DNMBP: variants seen among roughly 807,000 people sequenced by gnomAD.
DNMBP encodes dynamin-binding protein.
Under a neutral mutation model 150.0 loss-of-function variants are expected in DNMBP, and 87 were observed. That is an observed-to-expected ratio of 0.58 (90% CI 0.49 to 0.69). DNMBP has a LOEUF of 0.69. DNMBP is among the 30% of genes least tolerant of loss of function. The pLI, the probability that DNMBP is intolerant of heterozygous loss-of-function variation, is 0.00. For synonymous variants in DNMBP, 711 were observed against 750.4 expected, an observed-to-expected ratio of 0.95 and a Z score of 0.86; for missense variants, 1,774 against 1,949.0, an observed-to-expected ratio of 0.91 and a Z score of 1.69.
chr10:99,884,120 G>T lies in DNMBP; in HGVS notation c.3888C>A (p.Phe1296Leu). 2 of 1,614,150 alleles carry T rather than the reference G, an allele frequency of 1.2e-6. No homozygotes were observed. The highest frequency in any genetic ancestry group is 1.7e-6 in the Non-Finnish European group (2 of 1,180,026). ...AGACATCCAAGTCTTGAGCAGCATT[G>T]AAGTTCCGTTCTGCCTGGAAGAGTT... is the stretch of plus-strand genomic sequence containing the variant. The part of the protein sequence containing the change: ...PEKLFQAERN[F>L]NAAQDLDVSL... Residue 1296 changes from phenylalanine (F) to leucine (L), a missense_variant, in exon 15 of 17, where the codon TTC becomes TTA. By Grantham distance (22) the Phe-to-Leu change is conservative. Transcript: ENST00000324109.
At chr10:99,914,374 G>A (rs1296723272) in intron 4 of DNMBP, among the ~76,000 whole-genome samples, 1 of 152,132 alleles carries the variant, frequency 6.6e-6, no homozygotes, top group East Asian at 1.9e-4. Context: ...ATGCCCTTTT[G>A]AGGAAAGAAT....
intron 12 of DNMBP, 65 bp from the exon 13 acceptor site, chr10:99,886,697 C>A: frequency 6.7e-7 from 1 of 1,493,816 alleles, no homozygotes; most frequent in Non-Finnish European, 9.1e-7. Flanking sequence ...TTATCCAAGT[C>A]ACTCTTAAGG....
At chr10:99,970,194 T>C (rs1270152088) in intron 2 of DNMBP, among the ~76,000 whole-genome samples, 1 of 152,188 alleles carries the variant, frequency 6.6e-6, no homozygotes, top group Admixed American at 6.5e-5. Context: ...TCAGCTGAGA[T>C]ACCATTTCTA....
At chr10:99,997,268 A>G (rs1986519) in intron 1 of DNMBP, among the ~76,000 whole-genome samples, 71,125 of 152,124 alleles carry the variant, frequency 0.47, 17,640 homozygotes, top group African/African-American at 0.63. Context: ...TTCTCTTAAC[A>G]ATTTTCTCCC....
chr10:99,932,846 A>G (rs901612989), intron 4 of DNMBP, among the ~76,000 whole-genome samples: 58 of 150,034 alleles, frequency 3.9e-4, no homozygotes, highest in Non-Finnish European at 7.4e-4. Flanking sequence ...GGCATTTCAG[A>G]AGTCTGGGAA....
chr10:99,989,286 A>T (rs1445396437), intron 1 of DNMBP, among the ~76,000 whole-genome samples: 2 of 152,246 alleles, frequency 1.3e-5, no homozygotes, highest in Non-Finnish European at 2.9e-5. Context: ...TGGAGATGGC[A>T]TAAGCACAGG....
chr10:99,891,823 C>CCA (rs1229557912), intron 11 of DNMBP, among the ~76,000 whole-genome samples: 15 of 150,450 alleles, frequency 1.0e-4, no homozygotes, highest in African/African-American at 3.7e-4. Flanking sequence ...CTCTGCCCCG[C>CCA]CGCCCCATCT....
Position 100,004,004 on chromosome 10 carries a change from G to A in DNMBP, c.-11+5834C>T, listed in dbSNP as rs1044677031. Among the ~76,000 whole-genome samples, 5 of 151,902 alleles carry A rather than the reference G, an allele frequency of 3.3e-5. No homozygotes were observed. The East Asian group carries it at 7.7e-4, about 23-fold the overall frequency. On this transcript the variant is annotated intron_variant, in intron 1 of 16. Transcript: ENST00000324109. ...CCAAGCACTTTGGGAGGCCAAGGCA[G>A]GAAGATTGCTGGAGCCCGGGAGTTC...
chr10:99,913,917 T>C, intron 4 of DNMBP: 2 of 1,301,078 alleles, frequency 1.5e-6, no homozygotes. Context: ...CCTGTTCCAC[T>C]TCCTTCTGTG....
intron 4 of DNMBP, among the ~76,000 whole-genome samples, chr10:99,949,489 G>A (rs951014270): frequency 1.3e-5 from 2 of 152,174 alleles, no homozygotes; most frequent in East Asian, 1.9e-4. Context: ...TTGAGGGATA[G>A]CTTATATTGT....
chr10:99,916,014 G>A (rs995791767), intron 4 of DNMBP, among the ~76,000 whole-genome samples: 4 of 152,200 alleles, frequency 2.6e-5, no homozygotes, highest in Non-Finnish European at 5.9e-5. Context: ...CCATCTGGTA[G>A]CTAATAGCAA....
At chr10:99,966,958 T>A (rs1338251579) in intron 3 of DNMBP, among the ~76,000 whole-genome samples, 1 of 150,630 alleles carries the variant, frequency 6.6e-6, no homozygotes, top group Non-Finnish European at 1.5e-5. Flanking sequence ...CTGGCTAATT[T>A]AATTTTTTTT....
intron 1 of DNMBP, among the ~76,000 whole-genome samples, chr10:99,993,050 A>G (rs961666630): frequency 1.3e-5 from 2 of 152,170 alleles, no homozygotes; most frequent in Non-Finnish European, 2.9e-5. Context: ...CATAAAAATA[A>G]AAATAAAGAT....
At chr10:99,988,837 T>C (rs2040855733) in intron 1 of DNMBP, among the ~76,000 whole-genome samples, 1 of 151,996 alleles carries the variant, frequency 6.6e-6, no homozygotes, top group Non-Finnish European at 1.5e-5. Context: ...AATTTTTGTA[T>C]TTTTAGTAGA....
chr10:99,886,624 C>T lies in DNMBP; in HGVS notation c.3294G>A (p.Arg1098=), dbSNP rs149064094. 11 of 1,612,334 alleles carry T rather than the reference C, an allele frequency of 6.8e-6. No homozygotes were observed. The African/African-American group carries it at 9.4e-5, about 14-fold the overall frequency. The change falls in exon 13 of 17, where the codon AGG becomes AGA. Residue 1098 remains arginine (R), a synonymous_variant. Transcript: ENST00000324109. ...SDQLFTNFKE[R]TERLVISPLN... Reference sequence around the variant, plus strand: ...AGGGGGAGATGACAAGCCGCTCTGTCCTCTCCTTCTGTAGGGACGAGAAAG... The same window carrying T: ...AGGGGGAGATGACAAGCCGCTCTGTTCTCTCCTTCTGTAGGGACGAGAAAG...
intron 1 of DNMBP, among the ~76,000 whole-genome samples, chr10:99,973,775 T>A (rs1437433303): frequency 6.6e-6 from 1 of 150,614 alleles, no homozygotes; most frequent in African/African-American, 2.4e-5. Context: ...AGGTGAGGAG[T>A]TTTGAGGCCA....
At chr10:99,927,747 A>C (rs1015406561) in intron 4 of DNMBP, among the ~76,000 whole-genome samples, 1 of 152,252 alleles carries the variant, frequency 6.6e-6, no homozygotes, top group African/African-American at 2.4e-5. Context: ...TTAAGTCCTC[A>C]AAGATAAAGA....
chr10:99,962,614 G>T (rs1385339168), intron 3 of DNMBP, among the ~76,000 whole-genome samples: 1 of 151,884 alleles, frequency 6.6e-6, no homozygotes, highest in Non-Finnish European at 1.5e-5. Flanking sequence ...CTGGGCGATA[G>T]AGCGAGACTC....
At chr10:99,886,183 C>A in intron 13 of DNMBP, 117 bp downstream of exon 13, 1 of 848,772 alleles carries the variant, frequency 1.2e-6, no homozygotes, top group Non-Finnish European at 1.8e-6. Context: ...GATGAACTAG[C>A]GACACATTCA....
Sources: allele counts gnomAD v4.1 joint callset (sites outside exome capture counted in the v4.1 genomes callset), GRCh38; gene constraint gnomAD v4.1.1; transcripts MANE v1.5; gene names NCBI Gene and HGNC (gene_info 2026-07-23, HGNC 2026-07-21).